Variants in TRAF5 observed in about 807,000 individuals in gnomAD.
TRAF5 encodes the protein TNF receptor-associated factor 5.
TRAF5 carries 48 observed loss-of-function variants against 64.5 expected under a neutral mutation model. That is an observed-to-expected ratio of 0.74 (90% CI 0.59 to 0.95). The LOEUF is 0.95. TRAF5 is among the 40% of genes least tolerant of loss of function. The pLI, the probability that TRAF5 is intolerant of heterozygous loss-of-function variation, is 0.00. For missense variants in TRAF5, 545 were observed against 662.8 expected (o/e 0.82, Z 1.95); for synonymous variants, 206 against 240.5 (o/e 0.86, Z 1.33).
chr1:211,350,338 T>A (rs1398249577), intron 1 of TRAF5, among the ~76,000 whole-genome samples: 4 of 150,210 alleles, frequency 2.7e-5, no homozygotes, highest in African/African-American at 4.9e-5. Flanking sequence ...TGCCTCAGCC[T>A]CCCAGGTAGC....
At chr1:211,344,153 C>T (rs1176514733) in intron 1 of TRAF5, among the ~76,000 whole-genome samples, 3 of 152,122 alleles carry the variant, frequency 2.0e-5, no homozygotes, top group South Asian at 2.1e-4. Context: ...CAGCAGCTTT[C>T]GTCAGGCCAG....
chr1:211,345,562 A>G (rs1702583001), intron 1 of TRAF5, among the ~76,000 whole-genome samples: 1 of 152,058 alleles, frequency 6.6e-6, no homozygotes, highest in African/African-American at 2.4e-5. Context: ...ACTTTTCTTT[A>G]TCACCAGCCA....
intron 3 of TRAF5, 75 bp from the exon 4 acceptor site, chr1:211,356,292 C>T (rs1052545852): frequency 3.8e-6 from 5 of 1,311,752 alleles, no homozygotes; most frequent in Admixed American, 3.7e-5. Context: ...CACTCGAAGA[C>T]CAAATTAGTA....
intron 1 of TRAF5, among the ~76,000 whole-genome samples, chr1:211,342,684 CCTT>C (rs1403130637): frequency 1.4e-4 from 21 of 152,304 alleles, no homozygotes; most frequent in African/African-American, 4.8e-4. Context: ...TAGTAACCAT[CCTT>C]CTACTCTCTG....
At chr1:211,347,520 G>C (rs1340202513) in intron 1 of TRAF5, among the ~76,000 whole-genome samples, 1 of 152,244 alleles carries the variant, frequency 6.6e-6, no homozygotes, top group Non-Finnish European at 1.5e-5. Context: ...AAAACAAATA[G>C]TGGACAAGAC....
intron 2 of TRAF5, among the ~76,000 whole-genome samples, chr1:211,353,872 A>T (rs973519143): frequency 7.2e-5 from 11 of 152,140 alleles, no homozygotes; most frequent in African/African-American, 2.7e-4. Context: ...CAGCTGTAAG[A>T]CCTGGGTCAT....
At chr1:211,336,362 C>T (rs868082797) in intron 1 of TRAF5, among the ~76,000 whole-genome samples, 2 of 152,178 alleles carry the variant, frequency 1.3e-5, no homozygotes, top group South Asian at 2.1e-4. Flanking sequence ...ATTAGTGTGT[C>T]AGAGGGAGCG....
chr1:211,361,217 C>T (rs1703169530), intron 7 of TRAF5, 55 bp downstream of exon 7: 1 of 1,506,324 alleles, frequency 6.6e-7, no homozygotes, highest in Non-Finnish European at 9.2e-7. Context: ...ATTCACTTGG[C>T]AAGTTCAGTT....
At position 211,374,200 on chromosome 1, in the gene TRAF5, T is replaced by G. The variant is rs181563780; in HGVS notation, c.*1498T>G. The G allele has an allele frequency of 6.6e-6, 1 of 152,530 alleles. No homozygotes were observed. The highest frequency in any genetic ancestry group is 1.9e-4 in the East Asian group (1 of 5,182). 9.4% of individuals were successfully genotyped at this position (152,530 alleles called of 1,614,324 possible). A position where few individuals can be genotyped will look rare whatever the true frequency, so the allele number is the denominator to read the frequency against. On this transcript the variant is annotated 3_prime_UTR_variant, in exon 11 of 11. Coordinates refer to ENST00000261464, the MANE Select transcript of TRAF5 (RefSeq NM_001033910.3). ...GTATATACAAACTGAGATGAGTCCT[T>G]ATGACTCTTGATAAGCCTGAGTTTA...
chr1:211,332,412 G>GAAC (rs1226916281), intron 1 of TRAF5, among the ~76,000 whole-genome samples: 1 of 152,162 alleles, frequency 6.6e-6, no homozygotes, highest in African/African-American at 2.4e-5. Flanking sequence ...GTATGGCTTA[G>GAAC]AACAGCCAGG....
intron 1 of TRAF5, among the ~76,000 whole-genome samples, chr1:211,341,918 G>A (rs1163324551): frequency 1.3e-5 from 2 of 152,230 alleles, no homozygotes; most frequent in Admixed American, 1.3e-4. Context: ...ATGTCAGGCA[G>A]TCAGGTTATC....
At chr1:211,350,319 AT>A (rs1558138326) in intron 1 of TRAF5, among the ~76,000 whole-genome samples, 1 of 21,554 alleles carries the variant, frequency 4.6e-5, no homozygotes, top group South Asian at 2.3e-3. Context: ...GGCTCAAGTG[AT>A]CCCCCCCTGC....
At chr1:211,360,148 T>G in intron 5 of TRAF5, 72 bp downstream of exon 5, 2 of 1,448,374 alleles carry the variant, frequency 1.4e-6, no homozygotes, top group Non-Finnish European at 9.6e-7. Flanking sequence ...GTGAATCAGG[T>G]GGAATGCCAG....
chr1:211,345,995 C>G (rs937992343), intron 1 of TRAF5, among the ~76,000 whole-genome samples: 1 of 152,268 alleles, frequency 6.6e-6, no homozygotes, highest in Non-Finnish European at 1.5e-5. Flanking sequence ...GGGGGTGGAT[C>G]TGGGCAAACA....
chr1:211,356,856 A>G (rs1702986015), intron 4 of TRAF5: 1 of 170,522 alleles, frequency 5.9e-6, no homozygotes, highest in Admixed American at 5.9e-5. Context: ...TCCTTCCCCA[A>G]AAGCATTTGC....
At chr1:211,348,437 C>G (rs1362467108) in intron 1 of TRAF5, among the ~76,000 whole-genome samples, 2 of 152,048 alleles carry the variant, frequency 1.3e-5, no homozygotes, top group African/African-American at 2.4e-5. Context: ...TAAAAAAAGA[C>G]AAGATTTTCT....
intron 1 of TRAF5, among the ~76,000 whole-genome samples, chr1:211,328,932 T>C (rs538635318): frequency 2.0e-4 from 30 of 152,146 alleles, no homozygotes; most frequent in Non-Finnish European, 4.3e-4. Context: ...TGAGCTCCAC[T>C]GCTGGACCAG....
intron 7 of TRAF5, 90 bp downstream of exon 7, chr1:211,361,252 A>G (rs1703170922): frequency 8.5e-7 from 1 of 1,175,416 alleles, no homozygotes; most frequent in Non-Finnish European, 1.3e-6. Context: ...TCGAGGATGG[A>G]GAAAGACATA....
chr1:211,339,767 C>T (rs764698329), intron 1 of TRAF5, among the ~76,000 whole-genome samples: 5 of 152,210 alleles, frequency 3.3e-5, no homozygotes, highest in African/African-American at 1.2e-4. Flanking sequence ...AAGCGTCTCT[C>T]GTCTGCTTCC....
Sources: gnomAD v4.1 joint callset for allele counts (sites outside exome capture counted in the v4.1 genomes callset) on GRCh38, gnomAD v4.1.1 for gene constraint, MANE v1.5 for transcripts, NCBI Gene and HGNC (gene_info 2026-07-23, HGNC 2026-07-21) for gene names.